The following PHF24 variants were observed in gnomAD, a reference collection of about 807,000 sequenced individuals.
PHF24 encodes Galpha inhibitory interacting protein.
PHF24 carries 25 observed loss-of-function variants against 42.6 expected under a neutral mutation model. The ratio of observed to expected loss-of-function variants is 0.59; its 90% CI spans 0.43 to 0.82. The LOEUF (loss-of-function observed/expected upper bound fraction) is 0.82. PHF24 is among the 40% of genes least tolerant of loss of function. PHF24 has a pLI of 0.00. For synonymous variants in PHF24, 185 were observed against 204.8 expected (o/e 0.90, Z 0.83); for missense variants, 470 against 538.1 (o/e 0.87, Z 1.25).
chr9:34,731,564 G>T, the PHF24 span, among the ~76,000 whole-genome samples: 2 of 152,136 alleles, frequency 1.3e-5, no homozygotes, highest in South Asian at 4.2e-4. Flanking sequence ...ATTTTGCCAT[G>T]CCTGGCTTAT....
chr9:34,828,975 C>A, the PHF24 span, among the ~76,000 whole-genome samples: 28 of 143,974 alleles, frequency 1.9e-4, no homozygotes, highest in South Asian at 6.2e-3. Context: ...CAACCAGGAC[C>A]CTCCCTGAGG....
At chr9:34,898,665 A>G in the PHF24 span, among the ~76,000 whole-genome samples, 2 of 152,200 alleles carry the variant, frequency 1.3e-5, no homozygotes, top group Admixed American at 6.5e-5. Flanking sequence ...TCATCAACAT[A>G]CCTGCAAAGT....
chr9:34,721,024 G>A, the PHF24 span, among the ~76,000 whole-genome samples: 1 of 152,064 alleles, frequency 6.6e-6, no homozygotes, highest in Non-Finnish European at 1.5e-5. Flanking sequence ...CTGGGTCTTT[G>A]CCCACACTCC....
chr9:34,869,627 ATG>A, the PHF24 span, among the ~76,000 whole-genome samples: 15 of 152,102 alleles, frequency 9.9e-5, no homozygotes, highest in African/African-American at 3.4e-4. Flanking sequence ...CTGCAGAGAA[ATG>A]TGTGTGTTTT....
At chr9:34,845,961 G>A in the PHF24 span, among the ~76,000 whole-genome samples, 7 of 152,060 alleles carry the variant, frequency 4.6e-5, no homozygotes, top group African/African-American at 1.4e-4. Context: ...AGTATTCCAT[G>A]GTGTATATGT....
At chr9:34,920,323 T>G in the PHF24 span, among the ~76,000 whole-genome samples, 1 of 152,218 alleles carries the variant, frequency 6.6e-6, no homozygotes, top group Non-Finnish European at 1.5e-5. Flanking sequence ...TCACTGTAGA[T>G]GTATGCATTT....
At chr9:34,942,926 C>G in the PHF24 span, among the ~76,000 whole-genome samples, 1 of 151,996 alleles carries the variant, frequency 6.6e-6, no homozygotes, top group Non-Finnish European at 1.5e-5. Flanking sequence ...GTGCAGCAAA[C>G]CAACATGGTA....
At chr9:34,759,257 T>A in the PHF24 span, among the ~76,000 whole-genome samples, 1 of 152,180 alleles carries the variant, frequency 6.6e-6, no homozygotes, top group African/African-American at 2.4e-5. Flanking sequence ...CTCACTAGTT[T>A]CTCTATCAGC....
At chr9:34,687,057 T>TG in the PHF24 span, among the ~76,000 whole-genome samples, 4 of 134,226 alleles carry the variant, frequency 3.0e-5, no homozygotes, top group Non-Finnish European at 3.2e-5. Flanking sequence ...TTGGTATGGT[T>TG]GGGGGGTGGG....
chr9:34,864,153 G>C, the PHF24 span, among the ~76,000 whole-genome samples: 1 of 152,108 alleles, frequency 6.6e-6, no homozygotes. Flanking sequence ...ACAGGATCCA[G>C]GAAATATCCT....
chr9:34,828,677 G>A, the PHF24 span, among the ~76,000 whole-genome samples: 4 of 152,086 alleles, frequency 2.6e-5, no homozygotes, highest in Non-Finnish European at 5.9e-5. Context: ...TGCTTGACTA[G>A]TTGGCAACTG....
chr9:34,820,763 G>T, the PHF24 span, among the ~76,000 whole-genome samples: 2 of 152,188 alleles, frequency 1.3e-5, no homozygotes, highest in Non-Finnish European at 2.9e-5. Context: ...TAACGGGATT[G>T]CTGGGTTGAA....
the PHF24 span, among the ~76,000 whole-genome samples, chr9:34,915,010 A>G: frequency 1.1e-5 from 1 of 92,610 alleles, no homozygotes; most frequent in East Asian, 2.8e-4. Context: ...AGGTTGACAC[A>G]TTTCTTTTTT....
the PHF24 span, among the ~76,000 whole-genome samples, chr9:34,694,148 C>G: frequency 3.1e-5 from 4 of 129,272 alleles, no homozygotes; most frequent in African/African-American, 1.1e-4. Flanking sequence ...TTCCACGGGT[C>G]TATCTCTATT....
chr9:34,876,448 A>C, the PHF24 span, among the ~76,000 whole-genome samples: 1 of 152,204 alleles, frequency 6.6e-6, no homozygotes, highest in African/African-American at 2.4e-5. Context: ...GGAGAGGGCA[A>C]AACTATGGAG....
intron 1 of PHF24, among the ~76,000 whole-genome samples, chr9:34,960,088 G>A (rs1826537780): frequency 1.3e-5 from 2 of 152,142 alleles, no homozygotes; most frequent in South Asian, 2.1e-4. Context: ...TCCTCATCTC[G>A]CCCCCTCGTT....
chr9:34,677,056 T>A, the PHF24 span, among the ~76,000 whole-genome samples: 1 of 152,156 alleles, frequency 6.6e-6, no homozygotes, highest in Admixed American at 6.5e-5. Flanking sequence ...AAAACCAAAC[T>A]CCTGATTCTC....
chr9:34,922,543 G>A, the PHF24 span: 1 of 973,514 alleles, frequency 1.0e-6, no homozygotes, highest in Admixed American at 1.7e-5. Flanking sequence ...GCCAAGTAAT[G>A]GTAGTGATCT....
chr9:34,922,232 C>T, the PHF24 span: 11 of 1,592,130 alleles, frequency 6.9e-6, no homozygotes, highest in Admixed American at 3.3e-5. Flanking sequence ...CTCGGGTATC[C>T]GATGTCCACA....
Sources: allele counts gnomAD v4.1 joint callset (sites outside exome capture counted in the v4.1 genomes callset), GRCh38; gene constraint gnomAD v4.1.1; transcripts MANE v1.5; gene names NCBI Gene and HGNC (gene_info 2026-07-23, HGNC 2026-07-21).